GBP1: variants seen among roughly 807,000 people sequenced by gnomAD.
GBP1 encodes guanylate-binding protein 1.
Under a neutral mutation model 69.5 loss-of-function variants are expected in GBP1, and 64 were observed. The observed-to-expected ratio is 0.92, with a 90% CI of 0.75 to 1.13. GBP1 has a LOEUF of 1.13. Ranked by LOEUF, GBP1 falls within the 50% of genes most tolerant of loss-of-function variation. The pLI is 0.00. For synonymous variants in GBP1, 250 were observed against 261.2 expected (o/e 0.96, Z 0.41); for missense variants, 630 against 704.1 (o/e 0.89, Z 1.19).
Position 89,053,445 on chromosome 1 carries a change from C to T in GBP1, c.1689G>A (p.Glu563=), listed in dbSNP as rs754304791. The change falls in exon 11 of 11, where the codon GAG becomes GAA. Residue 563 remains glutamate, a synonymous_variant. Coordinates refer to ENST00000370473, the MANE Select transcript of GBP1 (RefSeq NM_002053.3). The part of the protein sequence containing the change: ...KLQEQEQLLK[E]GFQKESRIMK... ...TTATTCTGCTTTCTTTTTGAAATCC[C>T]TCTTTTAGTAGTTGCTCCTGTTCCT... 1 of 1,613,654 alleles carries T rather than the reference C, an allele frequency of 6.2e-7. No homozygotes were observed. Among genetic ancestry groups the T allele is most frequent in the South Asian group, 1.1e-5 (1 of 91,034 alleles).
Position 89,056,102 on chromosome 1 carries a change from A to C in GBP1, c.1282T>G (p.Ser428Ala). 1 of 1,613,942 alleles carries C rather than the reference A, an allele frequency of 6.2e-7. No individual in the cohort carries two copies. Residue 428 changes from serine (S) to alanine (A), a missense_variant, in exon 8 of 11, where the codon TCG (serine) becomes GCG (alanine). Ser to Ala is a moderately conservative substitution (Grantham distance 99). This residue lies in a region of GBP1 where 367 missense variants were observed against 369.5 expected (regional missense o/e 0.99). Transcript: ENST00000370473. The part of the protein sequence containing the change: ...LEEEVKAGIY[S>A]KPGGYRLFVQ... ...AAGAGACGATAGCCCCCTGGTTTCGAATAAATTCCCGCCTTCACTTCTTCT... is the reference window on the plus strand; with the variant it reads ...AAGAGACGATAGCCCCCTGGTTTCGCATAAATTCCCGCCTTCACTTCTTCT...
chr1:89,059,540 T>C (rs531199981), intron 3 of GBP1, 114 bp from the exon 4 acceptor site: 29 of 910,114 alleles, frequency 3.2e-5, no homozygotes, highest in Middle Eastern at 3.7e-4. Flanking sequence ...TCTTTTCTTT[T>C]TTTTTTTTTT....
intron 2 of GBP1, among the ~76,000 whole-genome samples, chr1:89,060,615 A>T (rs150595724): frequency 2.0e-5 from 3 of 152,374 alleles, no homozygotes; most frequent in African/African-American, 7.2e-5. Flanking sequence ...TTAATGATGA[A>T]ACGTCATAGC....
intron 4 of GBP1, 126 bp downstream of exon 4, chr1:89,059,191 G>A (rs1300270571): frequency 6.3e-7 from 1 of 1,595,334 alleles, no homozygotes; most frequent in East Asian, 2.3e-5. Context: ...TCTCTCCTCT[G>A]TACTTGCATT....
In GBP1 at chr1:89,056,336, A is replaced by G. The variant is rs2101222930; in HGVS notation, c.1156-108T>C. Reference sequence around the variant, plus strand: ...AAATAGAAGTCAATGATGCTGGAGAAACTGACAGCCTCCTCACCAGGACCA... The same window carrying G: ...AAATAGAAGTCAATGATGCTGGAGAGACTGACAGCCTCCTCACCAGGACCA... On this transcript the variant is annotated intron_variant, in intron 7 of 10. Coordinates refer to ENST00000370473, the MANE Select transcript of GBP1 (RefSeq NM_002053.3). 4 of 1,567,270 alleles carry G rather than the reference A, an allele frequency of 2.6e-6. No individual in the cohort carries two copies. In the Middle Eastern group the frequency reaches 6.8e-4, roughly 267 times the overall value.
intron 1 of GBP1, 87 bp from the exon 2 acceptor site, chr1:89,063,340 AG>A: frequency 7.9e-7 from 1 of 1,258,556 alleles, no homozygotes; most frequent in South Asian, 1.4e-5. Flanking sequence ...TATGGCCAAA[AG>A]TTTTGTGTGT....
At chr1:89,058,815 A>T in intron 5 of GBP1, 26 bp downstream of exon 5, 2 of 1,610,178 alleles carry the variant, frequency 1.2e-6, no homozygotes, top group East Asian at 2.2e-5. Context: ...TCTCATCCTC[A>T]TTTATCAGTT....
chr1:89,053,381 G>A lies in GBP1; in HGVS notation c.1753C>T (p.Arg585Ter), dbSNP rs747738769. 3.6e-5 allele frequency: 58 copies of A among 1,613,258 alleles called. No homozygotes were observed. The highest frequency in any genetic ancestry group is 4.4e-5 in the Non-Finnish European group (52 of 1,179,864). The change falls in exon 11 of 11, where the codon CGA becomes TGA. Residue 585 changes from arginine to a stop codon, truncating the protein, a stop_gained. Coordinates refer to ENST00000370473, the MANE Select transcript of GBP1 (RefSeq NM_002053.3). LOFTEE classifies it high-confidence loss of function. ...EIQDLQTKMR[R>*]RKACTIS ...TAGCTTATGGTACATGCCTTTCGTC[G>A]TCTCATTTTCGTCTGGAGATCCTGT...
intron 2 of GBP1, among the ~76,000 whole-genome samples, chr1:89,060,560 A>G (rs1238853180): frequency 6.6e-6 from 1 of 152,212 alleles, no homozygotes; most frequent in Non-Finnish European, 1.5e-5. Context: ...CAGCACCTCA[A>G]CATAATAAAT....
Position 89,058,852 on chromosome 1 carries a change from T to A in GBP1, c.620A>T (p.Lys207Met). 1 of 1,614,080 alleles carries A rather than the reference T, an allele frequency of 6.2e-7. No individual in the cohort carries two copies. The highest frequency in any genetic ancestry group is 2.2e-5 in the East Asian group (1 of 44,900). Residue 207 changes from lysine (K) to methionine (M), a missense_variant, in exon 5 of 11, where the codon AAG becomes ATG. Lys to Met is a moderately conservative substitution (Grantham distance 95, BLOSUM62 -1). Coordinates refer to ENST00000370473, the MANE Select transcript of GBP1 (RefSeq NM_002053.3). Reference sequence around the variant, plus strand: ...AAGCTCTCTGTTACCTTTCTTCAGCTTCAGGGAGTATGTCAGGTACTCATC... The same window carrying A: ...AAGCTCTCTGTTACCTTTCTTCAGCATCAGGGAGTATGTCAGGTACTCATC... ...TPDEYLTYSL[K>M]LKKGTSQKDE... is the part of the protein sequence containing the mutation.
chr1:89,059,676 A>T (rs1400475774), intron 3 of GBP1, among the ~76,000 whole-genome samples: 1 of 151,426 alleles, frequency 6.6e-6, no homozygotes, highest in African/African-American at 2.4e-5. Flanking sequence ...TCTTCTAATG[A>T]TCATCAACAG....
intron 6 of GBP1, 97 bp from the exon 7 acceptor site, chr1:89,057,231 A>G: frequency 6.6e-7 from 1 of 1,505,388 alleles, no homozygotes; most frequent in Middle Eastern, 1.8e-4. Flanking sequence ...TTTTCCTCAC[A>G]GCATCAATGT....
intron 5 of GBP1, 128 bp from the exon 6 acceptor site, chr1:89,058,362 A>C: frequency 3.7e-6 from 3 of 807,064 alleles, no homozygotes; most frequent in South Asian, 3.8e-5. Flanking sequence ...CTGTTATTGA[A>C]GCATGACAAC....
chr1:89,056,792 C>A, intron 7 of GBP1, 62 bp downstream of exon 7: 1 of 1,525,294 alleles, frequency 6.6e-7, no homozygotes, highest in Non-Finnish European at 8.9e-7. Context: ...TAATAGTTTT[C>A]TTTCCTTGTG....
chr1:89,059,240 T>A (rs1680120139), intron 4 of GBP1, 77 bp downstream of exon 4: 8 of 1,613,894 alleles, frequency 5.0e-6, no homozygotes, highest in Non-Finnish European at 6.8e-6. Context: ...TTCATCAGGA[T>A]TCACAGTCAG....
At chr1:89,061,212 A>G (rs533227332) in intron 2 of GBP1, among the ~76,000 whole-genome samples, 1 of 152,278 alleles carries the variant, frequency 6.6e-6, no homozygotes, top group South Asian at 2.1e-4. Flanking sequence ...ATTTCCAGAG[A>G]TCCCCTAATT....
In GBP1 at chr1:89,052,614, T is replaced by C. The variant is rs1425590072; in HGVS notation, c.*741A>G. 1 of 152,240 alleles carries C rather than the reference T, an allele frequency of 6.6e-6. No homozygotes were observed. The highest frequency in any genetic ancestry group is 1.9e-4 in the East Asian group (1 of 5,206). 9.4% of individuals were successfully genotyped at this position (152,240 alleles called of 1,614,324 possible). ...TTTTAAAGTCCATCTTTGCAAATTATACGTTGCTATAAATACATTGTGTAT... is the reference window on the plus strand; with the variant it reads ...TTTTAAAGTCCATCTTTGCAAATTACACGTTGCTATAAATACATTGTGTAT... On this transcript the variant is annotated 3_prime_UTR_variant, in exon 11 of 11. Transcript: ENST00000370473.
intron 4 of GBP1, 38 bp downstream of exon 4, chr1:89,059,279 C>T: frequency 6.2e-7 from 1 of 1,614,034 alleles, no homozygotes; most frequent in Non-Finnish European, 8.5e-7. Flanking sequence ...CAGGTGTCCC[C>T]TCTGACCTTG....
chr1:89,058,080 A>G lies in GBP1; in HGVS notation c.786T>C (p.Phe262=). 6.2e-7 allele frequency: 1 copy of G among 1,614,216 alleles called. No homozygotes were observed. The highest frequency in any genetic ancestry group is 8.5e-7 in the Non-Finnish European group (1 of 1,180,034). The change falls in exon 6 of 11, where the codon TTT becomes TTC. Residue 262 remains phenylalanine, a synonymous_variant. Transcript: ENST00000370473. ...AACAGAAGTCTGCTACTTGTTGCAC[A>G]AATTCGGGGTCCAGCTCTTCATCTT... The part of the protein sequence containing the change: ...KLQDEELDPE[F]VQQVADFCSY...
Sources: gnomAD v4.1 joint callset for allele counts (sites outside exome capture counted in the v4.1 genomes callset) on GRCh38, gnomAD v4.1.1 for gene constraint, gnomAD v4.1.1 regional missense constraint, MANE v1.5 for transcripts, NCBI Gene and HGNC (gene_info 2026-07-23, HGNC 2026-07-21) for gene names.